The following UBE2E2 variants were observed in gnomAD, a reference collection of about 807,000 sequenced individuals.
The protein encoded by UBE2E2 is ubiquitin conjugating enzyme E2 E2.
UBE2E2 carries 6 observed loss-of-function variants against 24.7 expected under a neutral mutation model. The observed-to-expected ratio is 0.24, with a 90% CI of 0.13 to 0.48. The LOEUF (loss-of-function observed/expected upper bound fraction) is 0.48, where lower values mean the gene tolerates loss of function less well. UBE2E2 is among the 20% of genes least tolerant of loss of function. UBE2E2 has a pLI of 0.99. For synonymous variants in UBE2E2, 104 were observed against 83.6 expected (o/e 1.24, Z -1.33); for missense variants, 169 against 245.0 (o/e 0.69, Z 2.07).
intron 3 of UBE2E2, among the ~76,000 whole-genome samples, chr3:23,300,297 T>G (rs1054947410): frequency 2.6e-5 from 4 of 152,242 alleles, no homozygotes; most frequent in African/African-American, 7.2e-5. Flanking sequence ...AAAGTTAATA[T>G]TGTTATGTGT....
At chr3:23,362,496 C>T (rs774513082) in intron 3 of UBE2E2, among the ~76,000 whole-genome samples, 4 of 152,172 alleles carry the variant, frequency 2.6e-5, no homozygotes, top group African/African-American at 7.2e-5. Flanking sequence ...TGCCCTCCTC[C>T]CTCCATCCCT....
At chr3:23,432,692 A>G (rs1229810838) in intron 3 of UBE2E2, among the ~76,000 whole-genome samples, 1 of 151,930 alleles carries the variant, frequency 6.6e-6, no homozygotes, top group Non-Finnish European at 1.5e-5. Flanking sequence ...TTCATGTTCA[A>G]TTAAAATTTA....
chr3:23,405,101 T>C (rs1335615962), intron 3 of UBE2E2, among the ~76,000 whole-genome samples: 1 of 152,202 alleles, frequency 6.6e-6, no homozygotes. Flanking sequence ...ACAGCAACAG[T>C]TTGCTGTACA....
intron 3 of UBE2E2, among the ~76,000 whole-genome samples, chr3:23,294,127 A>G (rs1698842735): frequency 6.6e-6 from 1 of 152,260 alleles, no homozygotes; most frequent in Non-Finnish European, 1.5e-5. Context: ...TAATTCCGCA[A>G]GAATAATTGT....
intron 3 of UBE2E2, among the ~76,000 whole-genome samples, chr3:23,437,519 C>T (rs1432980634): frequency 6.6e-6 from 1 of 152,166 alleles, no homozygotes; most frequent in Non-Finnish European, 1.5e-5. Flanking sequence ...AGTGATTGCT[C>T]AGCAAATGCA....
At chr3:23,239,528 C>A (rs541420644) in intron 3 of UBE2E2, among the ~76,000 whole-genome samples, 23 of 152,022 alleles carry the variant, frequency 1.5e-4, no homozygotes, top group African/African-American at 5.6e-4. Flanking sequence ...TGGAATCATA[C>A]AAGGTGTGGC....
chr3:23,436,585 C>G (rs1314170839), intron 3 of UBE2E2, among the ~76,000 whole-genome samples: 1 of 149,920 alleles, frequency 6.7e-6, no homozygotes, highest in African/African-American at 2.5e-5. Context: ...TTCCTATTCT[C>G]AAAGCTGCAG....
chr3:23,570,152 CT>C (rs1696188799), intron 5 of UBE2E2, among the ~76,000 whole-genome samples: 1 of 152,136 alleles, frequency 6.6e-6, no homozygotes, highest in Non-Finnish European at 1.5e-5. Context: ...CTGGTACCTC[CT>C]TTTTCCCCCT....
chr3:23,373,551 A>G (rs1478103835), intron 3 of UBE2E2, among the ~76,000 whole-genome samples: 2 of 152,184 alleles, frequency 1.3e-5, no homozygotes, highest in African/African-American at 2.4e-5. Flanking sequence ...AGGGAGACCG[A>G]GATTTCACTA....
At chr3:23,351,699 A>G (rs545213431) in intron 3 of UBE2E2, among the ~76,000 whole-genome samples, 3 of 152,284 alleles carry the variant, frequency 2.0e-5, no homozygotes, top group Admixed American at 6.5e-5. Flanking sequence ...CTAAATATAT[A>G]TGCACCCAAT....
At chr3:23,213,457 A>G (rs1031518294) in intron 2 of UBE2E2, among the ~76,000 whole-genome samples, 4 of 152,004 alleles carry the variant, frequency 2.6e-5, no homozygotes, top group Admixed American at 6.6e-5. Context: ...TTCTTATTGT[A>G]GTCTTATCAT....
intron 3 of UBE2E2, among the ~76,000 whole-genome samples, chr3:23,475,823 C>T (rs1037771362): frequency 2.6e-5 from 4 of 151,992 alleles, no homozygotes; most frequent in African/African-American, 9.7e-5. Context: ...GGCAAGAATG[C>T]TAGGTACATC....
chr3:23,460,894 C>T (rs915710335), intron 3 of UBE2E2, among the ~76,000 whole-genome samples: 4 of 152,042 alleles, frequency 2.6e-5, no homozygotes, highest in African/African-American at 9.7e-5. Flanking sequence ...ATGAACATAG[C>T]CTGCTGTTTT....
chr3:23,417,864 A>G (rs1697680542), intron 3 of UBE2E2, among the ~76,000 whole-genome samples: 2 of 152,190 alleles, frequency 1.3e-5, no homozygotes, highest in African/African-American at 4.8e-5. Flanking sequence ...TGTGAGGGGA[A>G]AAACCACCTA....
chr3:23,292,046 G>A (rs555128105), intron 3 of UBE2E2, among the ~76,000 whole-genome samples: 1 of 151,950 alleles, frequency 6.6e-6, no homozygotes, highest in Non-Finnish European at 1.5e-5. Flanking sequence ...TTTTAGTAGA[G>A]ACGGGGTTTC....
chr3:23,271,291 G>A (rs1698234470), intron 3 of UBE2E2: 3 of 296,044 alleles, frequency 1.0e-5, no homozygotes, highest in Non-Finnish European at 2.0e-5. Context: ...AGATGTTTCT[G>A]GAGTTTCTTC....
At chr3:23,462,080 A>G (rs1057068265) in intron 3 of UBE2E2, among the ~76,000 whole-genome samples, 2 of 152,184 alleles carry the variant, frequency 1.3e-5, no homozygotes, top group East Asian at 3.8e-4. Flanking sequence ...TTTTAATAAT[A>G]TAAGGTTAAT....
chr3:23,484,524 T>G (rs1575660190), intron 3 of UBE2E2, among the ~76,000 whole-genome samples: 2 of 152,206 alleles, frequency 1.3e-5, no homozygotes, highest in African/African-American at 4.8e-5. Context: ...TTCTCTCTTG[T>G]TGCCCAGACA....
chr3:23,256,533 T>C (rs1440341286), intron 3 of UBE2E2, among the ~76,000 whole-genome samples: 1 of 152,220 alleles, frequency 6.6e-6, no homozygotes, highest in Admixed American at 6.5e-5. Context: ...TTAAGAACAT[T>C]AAAGTTCTTA....
Sources: gnomAD v4.1 joint callset for allele counts (sites outside exome capture counted in the v4.1 genomes callset) on GRCh38, gnomAD v4.1.1 for gene constraint, MANE v1.5 for transcripts, NCBI Gene and HGNC (gene_info 2026-07-23, HGNC 2026-07-21) for gene names.